The following TRPV3 variants were observed in gnomAD, a reference collection of about 807,000 sequenced individuals.
TRPV3 encodes VRL-3.
Under a neutral mutation model 87.1 loss-of-function variants are expected in TRPV3, and 88 were observed. The observed-to-expected ratio is 1.01, with a 90% confidence interval of 0.85 to 1.21. The LOEUF (loss-of-function observed/expected upper bound fraction) is 1.21, where lower values mean the gene tolerates loss of function less well. Among genes scored for constraint, TRPV3 ranks in the 50% most tolerant of loss-of-function variants. The pLI is 0.00. For missense variants in TRPV3, 1,054 were observed against 1,030.1 expected, an observed-to-expected ratio of 1.02 and a Z score of -0.32; for synonymous variants, 438 against 423.3, an observed-to-expected ratio of 1.03 and a Z score of -0.43.
At chr17:3,544,473 C>G (rs1016323719) in intron 4 of TRPV3, 106 bp downstream of exon 4, 1 of 690,802 alleles carries the variant, frequency 1.4e-6, no homozygotes, top group African/African-American at 1.8e-5. Flanking sequence ...TCCCAATCCC[C>G]AGGAATGGTG....
At chr17:3,532,020 C>T (rs550533726) in intron 8 of TRPV3, among the ~76,000 whole-genome samples, 3 of 152,320 alleles carry the variant, frequency 2.0e-5, no homozygotes, top group South Asian at 2.1e-4. Context: ...CTGAGGAACA[C>T]GCTTGGACCC....
At chr17:3,547,041 G>A (rs534328453) in intron 2 of TRPV3, among the ~76,000 whole-genome samples, 11 of 151,750 alleles carry the variant, frequency 7.2e-5, no homozygotes, top group Admixed American at 5.9e-4. Flanking sequence ...TCTCTACTGC[G>A]GGTGGCCTAA....
intron 5 of TRPV3, 114 bp from the exon 6 acceptor site, chr17:3,542,812 C>T: frequency 1.8e-6 from 2 of 1,111,096 alleles, no homozygotes; most frequent in Non-Finnish European, 2.6e-6. Flanking sequence ...CTCCACATCT[C>T]CACTCCCAGA....
rs2074111395 is a variant in TRPV3, at chr17:3,511,375, G to A, written c.*2542C>T. On this transcript the variant is annotated 3_prime_UTR_variant, in exon 18 of 18. Transcript: ENST00000576742. ...AAATAAATAAATAATGGCTCAGGGA[G>A]ACATCTGTGGTCCAAGAATCAGGAC... 1 of 152,208 alleles carries A rather than the reference G, an allele frequency of 6.6e-6. No homozygotes were observed. The highest frequency in any genetic ancestry group is 1.5e-5 in the Non-Finnish European group (1 of 68,046). The allele number at this position is 152,208 out of a possible 1,614,324, so 9.4% of individuals were successfully genotyped here.
chr17:3,511,459 T>C lies in TRPV3; in HGVS notation c.*2458A>G, dbSNP rs901810790. The C allele has an allele frequency of 6.6e-6, 1 of 152,210 alleles. No individual in the cohort carries two copies. Among genetic ancestry groups the C allele is most frequent in the Non-Finnish European group, 1.5e-5 (1 of 68,042 alleles). 9.4% of individuals were successfully genotyped at this position (152,210 alleles called of 1,614,324 possible). Reference sequence around the variant, plus strand: ...TGCATGACTTTGCCCAAGTACACATTCCTCTCGGAGCATTAGCCTCTGGGC... The same window carrying C: ...TGCATGACTTTGCCCAAGTACACATCCCTCTCGGAGCATTAGCCTCTGGGC... On this transcript the variant is annotated 3_prime_UTR_variant, in exon 18 of 18. Transcript: ENST00000576742.
In TRPV3 at chr17:3,542,718, T is replaced by C. The variant is rs1414264403; in HGVS notation, c.467-20A>G. The C allele has an allele frequency of 2.5e-6, 4 of 1,610,448 alleles. No individual in the cohort carries two copies. The South Asian group carries it at 3.3e-5, about 13-fold the overall frequency. ...GGAAGTCTGCAGGCAGGGCCATGGG[T>C]GGAGTTACAGGAGGGCCCCGGCTGC... On this transcript the variant is annotated intron_variant, in intron 5 of 17. Coordinates refer to ENST00000576742, the MANE Select transcript of TRPV3 (RefSeq NM_145068.4).
intron 6 of TRPV3, among the ~76,000 whole-genome samples, chr17:3,541,122 T>G (rs1416269001): frequency 6.6e-6 from 1 of 152,084 alleles, no homozygotes; most frequent in East Asian, 1.9e-4. Flanking sequence ...TCCCAGCACT[T>G]TGGGAGGTGA....
chr17:3,537,027 CCTT>C (rs750158167), intron 6 of TRPV3, among the ~76,000 whole-genome samples: 20 of 152,146 alleles, frequency 1.3e-4, no homozygotes, highest in Non-Finnish European at 2.9e-5. Flanking sequence ...GTAGGGAAGA[CCTT>C]CTTAAGCAGG....
At position 3,528,390 on chromosome 17, in the gene TRPV3, C is replaced by T. The variant is rs2074318948; in HGVS notation, c.1402-264G>A. ...CTCACACTCCATTGCAATAGCCTTT[C>T]CGGAACCCATCCATATCCAGGCACT... On this transcript the variant is annotated intron_variant, in intron 10 of 17. Transcript: ENST00000576742. This position sits in a 1 kb window ranked among gnomAD's most constrained non-coding sequence, Gnocchi z 4.2. Among the ~76,000 whole-genome samples the T allele has an allele frequency of 6.6e-6, 1 of 152,172 alleles. No homozygotes were observed. The highest frequency in any genetic ancestry group is 1.5e-5 in the Non-Finnish European group (1 of 68,040).
At position 3,521,183 on chromosome 17, in the gene TRPV3, C is replaced by T. The variant is rs543211770; in HGVS notation, c.1744-144G>A. On this transcript the variant is annotated intron_variant, in intron 13 of 17. Coordinates refer to ENST00000576742, the MANE Select transcript of TRPV3 (RefSeq NM_145068.4). ...CTCTCCCTTCCCCCAGCCAAATCCT[C>T]CTGATGCTCCAAGGCTCAACACTGG... is the stretch of plus-strand genomic sequence containing the variant. 1.0e-4 allele frequency: 47 copies of T among 471,020 alleles called. 1 individual carries two copies. The highest frequency in any genetic ancestry group is 9.9e-4 in the South Asian group (46 of 46,450). The allele number at this position is 471,020 out of a possible 1,614,324, so 29.2% of individuals were successfully genotyped here.
intron 11 of TRPV3, among the ~76,000 whole-genome samples, chr17:3,527,202 G>A (rs542291648): frequency 2.0e-5 from 3 of 152,076 alleles, no homozygotes; most frequent in African/African-American, 7.2e-5. Flanking sequence ...CACTACAGCC[G>A]CCTTCCATTC....
At chr17:3,519,824 GATTA>G (rs2074226925) in intron 14 of TRPV3, among the ~76,000 whole-genome samples, 4 of 136,028 alleles carry the variant, frequency 2.9e-5, no homozygotes, top group Non-Finnish European at 6.3e-5. Flanking sequence ...ATGGATGGAT[GATTA>G]AATGGATGAA....
In TRPV3 at chr17:3,530,118, G is replaced by A; in HGVS notation, c.1151C>T (p.Pro384Leu). The A allele has an allele frequency of 1.2e-6, 2 of 1,614,148 alleles. No homozygotes were observed. The highest frequency in any genetic ancestry group is 1.7e-6 in the Non-Finnish European group (2 of 1,180,000). ...SRKFTDWAYG[P>L]VSSSLYDLTN... ...GAGGTCGTAGAGGGAGGATGACACG[G>A]GTCCGTACGCCCAGTCGGTGAACTT... Residue 384 changes from proline to leucine, a missense_variant, in exon 9 of 18, where the codon CCC (proline) becomes CTC (leucine). By Grantham distance (98) the Pro-to-Leu change is moderately conservative. Transcript: ENST00000576742. This position sits in a 1 kb window ranked among gnomAD's most constrained non-coding sequence, Gnocchi z 4.0.
chr17:3,514,716 C>T, intron 16 of TRPV3, 44 bp from the exon 17 acceptor site: 4 of 1,461,392 alleles, frequency 2.7e-6, no homozygotes, highest in Non-Finnish European at 3.8e-6. Flanking sequence ...CAGTGCCTCA[C>T]TGAGTACTAA....
rs1246123785 is a variant in TRPV3, at chr17:3,513,388, C to G, written c.*529G>C. On this transcript the variant is annotated 3_prime_UTR_variant, in exon 18 of 18. Coordinates refer to ENST00000576742, the MANE Select transcript of TRPV3 (RefSeq NM_145068.4). ...GGGTGTTTCCAGAGCGCATTCCCCTCCTCCCCCAGGATATCCAGCTTACCT... is the reference window on the plus strand; with the variant it reads ...GGGTGTTTCCAGAGCGCATTCCCCTGCTCCCCCAGGATATCCAGCTTACCT... The G allele has an allele frequency of 6.5e-6, 1 of 153,350 alleles. No homozygotes were observed. The highest frequency in any genetic ancestry group is 1.5e-5 in the Non-Finnish European group (1 of 68,530). The allele number at this position is 153,350 out of a possible 1,614,324, so 9.5% of individuals were successfully genotyped here. A position where few individuals can be genotyped will look rare whatever the true frequency, so the allele number is the denominator to read the frequency against.
intron 12 of TRPV3, among the ~76,000 whole-genome samples, chr17:3,524,739 A>G (rs1224233847): frequency 1.3e-5 from 2 of 150,766 alleles, no homozygotes; most frequent in Non-Finnish European, 3.0e-5. Context: ...TGGGGGGCTG[A>G]GATAGGAGAA....
intron 6 of TRPV3, among the ~76,000 whole-genome samples, chr17:3,536,137 TG>T (rs1238227220): frequency 2.0e-5 from 3 of 152,060 alleles, no homozygotes; most frequent in Non-Finnish European, 2.9e-5. Context: ...CGAGGCGGTG[TG>T]GGGCCAGCTC....
intron 8 of TRPV3, among the ~76,000 whole-genome samples, chr17:3,531,489 G>A (rs1367355370): frequency 2.0e-5 from 3 of 152,222 alleles, no homozygotes; most frequent in African/African-American, 7.2e-5. Flanking sequence ...AAGTTTTCTG[G>A]AGGACACGGA....
Position 3,518,207 on chromosome 17 carries a change from A to G in TRPV3, c.2085+369T>C, listed in dbSNP as rs1477413478. Among the ~76,000 whole-genome samples the G allele has an allele frequency of 2.0e-5, 3 of 152,112 alleles. No individual in the cohort carries two copies. The highest frequency in any genetic ancestry group is 4.4e-5 in the Non-Finnish European group (3 of 68,016). On this transcript the variant is annotated intron_variant, in intron 15 of 17. Transcript: ENST00000576742. This position sits in a 1 kb window ranked among gnomAD's most constrained non-coding sequence, Gnocchi z 4.3. ...ACCCATCCTATGCATTGGTTTCCTC[A>G]GCATGTAAGAAGTGTTCAGGCCAGG...
Sources: gnomAD v4.1 joint callset for allele counts (sites outside exome capture counted in the v4.1 genomes callset) on GRCh38, gnomAD v4.1.1 for gene constraint, Gnocchi (gnomAD v3.1) non-coding constraint, MANE v1.5 for transcripts, NCBI Gene and HGNC (gene_info 2026-07-23, HGNC 2026-07-21) for gene names.